The following CPAMD8 variants were observed in gnomAD, a reference collection of about 807,000 sequenced individuals.
CPAMD8 encodes the protein C3 and PZP like alpha-2-macroglobulin domain containing 8, also known as C3 and PZP-like alpha-2-macroglobulin domain-containing protein 8.
A neutral mutation model predicts 224.7 loss-of-function variants in CPAMD8; 146 were observed. That is an observed-to-expected ratio of 0.65 (90% confidence interval 0.57 to 0.75). CPAMD8 has a LOEUF of 0.75. Ranked by LOEUF, CPAMD8 falls within the 30% of genes least tolerant of loss-of-function variation. The pLI is 0.00. For missense variants in CPAMD8, 2,301 were observed against 2,537.5 expected, an observed-to-expected ratio of 0.91 and a Z score of 2.00; for synonymous variants, 966 against 1,044.6, an observed-to-expected ratio of 0.92 and a Z score of 1.45.
chr19:16,975,501 G>GT (rs2055231754), intron 16 of CPAMD8, among the ~76,000 whole-genome samples: 1 of 152,050 alleles, frequency 6.6e-6, no homozygotes, highest in Non-Finnish European at 1.5e-5. Context: ...GTGCAAAGGA[G>GT]TTCGAGACCA....
chr19:16,990,660 C>T (rs879630590), intron 12 of CPAMD8, among the ~76,000 whole-genome samples: 2 of 151,748 alleles, frequency 1.3e-5, no homozygotes, highest in East Asian at 1.9e-4. Context: ...GTCAGGAGAT[C>T]GAGACCATCC....
intron 13 of CPAMD8, among the ~76,000 whole-genome samples, chr19:16,981,700 G>A (rs555285960): frequency 3.9e-5 from 6 of 152,292 alleles, no homozygotes; most frequent in Non-Finnish European, 5.9e-5. Flanking sequence ...TAGGAATCCC[G>A]CCTCTGTTCC....
At chr19:17,010,804 C>T (rs1018018234) in intron 5 of CPAMD8, among the ~76,000 whole-genome samples, 2 of 152,046 alleles carry the variant, frequency 1.3e-5, no homozygotes, top group Non-Finnish European at 2.9e-5. Flanking sequence ...GGGTGTATCA[C>T]CTGAGGTCAG....
At chr19:16,941,748 G>A (rs904094679) in intron 22 of CPAMD8, among the ~76,000 whole-genome samples, 5 of 152,140 alleles carry the variant, frequency 3.3e-5, no homozygotes, top group African/African-American at 1.2e-4. Flanking sequence ...GCCGAGGTGA[G>A]TGGATCACGA....
intron 18 of CPAMD8, among the ~76,000 whole-genome samples, chr19:16,970,389 C>T (rs1412164348): frequency 2.6e-5 from 4 of 151,966 alleles, no homozygotes; most frequent in African/African-American, 9.7e-5. Flanking sequence ...GAGTTCATGA[C>T]CAGCCTGGCC....
intron 8 of CPAMD8, 30 bp downstream of exon 8, chr19:17,004,243 A>C: frequency 6.8e-7 from 1 of 1,473,762 alleles, no homozygotes; most frequent in Non-Finnish European, 9.5e-7. Flanking sequence ...CAGATCTGAA[A>C]TCCCAAGACC....
intron 36 of CPAMD8, among the ~76,000 whole-genome samples, chr19:16,900,101 C>T (rs570792948): frequency 4.3e-4 from 65 of 152,092 alleles, no homozygotes; most frequent in Non-Finnish European, 7.6e-4. Context: ...TCCTCTTTCT[C>T]CCCCAGCCAG....
rs1251145274 is a variant in CPAMD8, at chr19:16,899,719, G to A, written c.4774-170C>T. On this transcript the variant is annotated intron_variant, in intron 36 of 41. Coordinates refer to ENST00000443236, the MANE Select transcript of CPAMD8 (RefSeq NM_015692.5). This position sits in a 1 kb window ranked among gnomAD's most constrained non-coding sequence, Gnocchi z 5.4. ...GCCCTGCCAGCCTCTCAGCACCCAG[G>A]AGAGGACGCTCAAGGATGGCTATCC... Among the ~76,000 whole-genome samples, 1 of 152,060 alleles carries A rather than the reference G, an allele frequency of 6.6e-6. No individual in the cohort carries two copies. The highest frequency in any genetic ancestry group is 6.6e-5 in the Admixed American group (1 of 15,254).
intron 13 of CPAMD8, among the ~76,000 whole-genome samples, chr19:16,985,147 T>A (rs1021146944): frequency 6.6e-6 from 1 of 152,164 alleles, no homozygotes; most frequent in African/African-American, 2.4e-5. Flanking sequence ...TGAAGCACTA[T>A]CATGTTTGTA....
chr19:16,929,092 G>C lies in CPAMD8; in HGVS notation c.2994C>G (p.Ile998Met), dbSNP rs189784878. 1.2e-6 allele frequency: 2 copies of C among 1,613,944 alleles called. No homozygotes were observed. Among genetic ancestry groups the C allele is most frequent in the East Asian group, 2.2e-5 (1 of 44,894 alleles). Residue 998 changes from isoleucine to methionine, a missense_variant, in exon 24 of 42, where the codon ATC becomes ATG. Transcript: ENST00000443236. ...TCTGATGCCCCCCCAGGACGATCTC[G>C]ATCATGCCTGCTGTGTCCTGGGGCC... ...SSGPQDTAGM[I>M]EIVLGGHQNT...
At chr19:16,958,614 T>C (rs1304966900) in intron 18 of CPAMD8, among the ~76,000 whole-genome samples, 1 of 152,108 alleles carries the variant, frequency 6.6e-6, no homozygotes. Flanking sequence ...TAGAATGATT[T>C]ATATTCCTTT....
At chr19:16,964,402 C>T (rs1308111025) in intron 18 of CPAMD8, among the ~76,000 whole-genome samples, 3 of 152,190 alleles carry the variant, frequency 2.0e-5, no homozygotes, top group Non-Finnish European at 2.9e-5. Context: ...TCAGAGAATA[C>T]TGTAAACACC....
intron 18 of CPAMD8, among the ~76,000 whole-genome samples, chr19:16,960,070 G>C (rs529809850): frequency 1.3e-5 from 2 of 152,008 alleles, no homozygotes; most frequent in African/African-American, 4.8e-5. Flanking sequence ...GTTTTACCAC[G>C]TTCATCTTCA....
At chr19:16,909,817 C>T (rs1046340395) in intron 29 of CPAMD8, among the ~76,000 whole-genome samples, 6 of 152,018 alleles carry the variant, frequency 3.9e-5, no homozygotes, top group Non-Finnish European at 8.8e-5. Flanking sequence ...AGTGTAGTGG[C>T]TATTCATAGG....
chr19:16,937,021 C>A (rs1365786042), intron 23 of CPAMD8, among the ~76,000 whole-genome samples: 2 of 142,680 alleles, frequency 1.4e-5, no homozygotes, highest in Non-Finnish European at 3.0e-5. Flanking sequence ...CCTTCCTTTC[C>A]TTCCCTTCCT....
intron 22 of CPAMD8, among the ~76,000 whole-genome samples, chr19:16,940,724 T>G (rs1212554059): frequency 6.6e-6 from 1 of 152,124 alleles, no homozygotes; most frequent in African/African-American, 2.4e-5. Flanking sequence ...TCAGGCTACA[T>G]CGAGCCGTCC....
At chr19:16,936,674 T>C (rs1208069893) in intron 23 of CPAMD8, among the ~76,000 whole-genome samples, 1 of 152,196 alleles carries the variant, frequency 6.6e-6, no homozygotes, top group Non-Finnish European at 1.5e-5. Context: ...CCCAAAGTGC[T>C]GGGATTACAG....
In CPAMD8 at chr19:16,901,313, G is replaced by A. The variant is rs757164179; in HGVS notation, c.4686-16C>T. On this transcript the variant is annotated splice_polypyrimidine_tract_variant and intron_variant, in intron 35 of 41. Coordinates refer to ENST00000443236, the MANE Select transcript of CPAMD8 (RefSeq NM_015692.5). ...ATGCAGCCACCTTCCAACAACAGGG[G>A]AGAGAGAGAGGCCCTAGAGCTCAAG... 1.1e-5 allele frequency: 17 copies of A among 1,524,074 alleles called. No homozygotes were observed. Among genetic ancestry groups the A allele is most frequent in the African/African-American group, 1.4e-5 (1 of 73,078 alleles). The allele number at this position is 1,524,074 out of a possible 1,614,324, so 94.4% of individuals were successfully genotyped here. A position where few individuals can be genotyped will look rare whatever the true frequency, so the allele number is the denominator to read the frequency against.
intron 25 of CPAMD8, among the ~76,000 whole-genome samples, chr19:16,927,395 C>T (rs1266334663): frequency 6.6e-6 from 1 of 152,118 alleles, no homozygotes; most frequent in Admixed American, 6.5e-5. Flanking sequence ...GCCTCCCCAG[C>T]CACGTGAAAC....
Sources: gnomAD v4.1 joint callset for allele counts (sites outside exome capture counted in the v4.1 genomes callset) on GRCh38, gnomAD v4.1.1 for gene constraint, Gnocchi (gnomAD v3.1) non-coding constraint, MANE v1.5 for transcripts, NCBI Gene and HGNC (gene_info 2026-07-23, HGNC 2026-07-21) for gene names.